Variants in VRK1 observed in about 807,000 individuals in gnomAD.
The protein encoded by VRK1 is VRK serine/threonine kinase 1, also known as serine/threonine-protein kinase VRK1.
In VRK1, 33 loss-of-function variants were observed where a neutral mutation model predicts 57.1. The observed-to-expected ratio is 0.58, with a 90% CI of 0.44 to 0.77. VRK1 has a LOEUF of 0.77. Among genes scored for constraint, VRK1 ranks in the 30% least tolerant of loss-of-function variants. The pLI is 0.00. For missense variants in VRK1, 413 were observed against 477.3 expected, an observed-to-expected ratio of 0.87 and a Z score of 1.25; for synonymous variants, 137 against 147.8, an observed-to-expected ratio of 0.93 and a Z score of 0.53.
chr14:96,810,128 A>G (rs1311474527), intron 1 of VRK1, among the ~76,000 whole-genome samples: 4 of 152,174 alleles, frequency 2.6e-5, no homozygotes, highest in Non-Finnish European at 4.4e-5. Flanking sequence ...ACCCTCTGTT[A>G]TAAAGTTCCT....
At chr14:96,802,482 T>C (rs1885702392) in intron 1 of VRK1, among the ~76,000 whole-genome samples, 1 of 152,206 alleles carries the variant, frequency 6.6e-6, no homozygotes, top group Admixed American at 6.5e-5. Flanking sequence ...GGCATTGTAT[T>C]GAGTGAAAAA....
At chr14:96,817,922 A>G (rs1179480905) in intron 1 of VRK1, among the ~76,000 whole-genome samples, 3 of 152,166 alleles carry the variant, frequency 2.0e-5, no homozygotes, top group African/African-American at 4.8e-5. Flanking sequence ...TGAAGTTGAC[A>G]TCTTTTGGCT....
chr14:96,876,734 A>G (rs1465262913), intron 12 of VRK1, among the ~76,000 whole-genome samples: 1 of 151,514 alleles, frequency 6.6e-6, no homozygotes, highest in Non-Finnish European at 1.5e-5. Flanking sequence ...AGAGGAAAGG[A>G]ATTAAAGCTT....
intron 3 of VRK1, among the ~76,000 whole-genome samples, chr14:96,842,345 C>T (rs1021804027): frequency 6.6e-6 from 1 of 152,160 alleles, no homozygotes; most frequent in African/African-American, 2.4e-5. Context: ...AAATGAGCAT[C>T]AGTTCTTTCT....
chr14:96,855,408 A>C, intron 8 of VRK1, 52 bp downstream of exon 8: 1 of 1,613,026 alleles, frequency 6.2e-7, no homozygotes. Context: ...TTTCACCCAG[A>C]TTCCTACATA....
chr14:96,810,809 AATATTC>A (rs1167624421), intron 1 of VRK1, among the ~76,000 whole-genome samples: 1 of 152,132 alleles, frequency 6.6e-6, no homozygotes, highest in Non-Finnish European at 1.5e-5. Context: ...TGTTATCTAA[AATATTC>A]ATAACATCTC....
At chr14:96,867,686 G>A (rs1422918469) in intron 11 of VRK1, among the ~76,000 whole-genome samples, 1 of 152,104 alleles carries the variant, frequency 6.6e-6, no homozygotes, top group Non-Finnish European at 1.5e-5. Flanking sequence ...CTGGAAGCTA[G>A]CTTCTTTTCT....
chr14:96,820,091 T>C (rs1886541149), intron 1 of VRK1, among the ~76,000 whole-genome samples: 1 of 152,162 alleles, frequency 6.6e-6, no homozygotes, highest in Non-Finnish European at 1.5e-5. Context: ...GGAAAGTGCT[T>C]TGGAGCTTCT....
chr14:96,838,877 T>C (rs538936309), intron 3 of VRK1, among the ~76,000 whole-genome samples: 1 of 151,920 alleles, frequency 6.6e-6, no homozygotes, highest in African/African-American at 2.4e-5. Flanking sequence ...TTTTTAAACT[T>C]TTTTAAAAAA....
intron 11 of VRK1, among the ~76,000 whole-genome samples, chr14:96,868,358 G>A (rs370191892): frequency 2.0e-5 from 3 of 152,280 alleles, no homozygotes; most frequent in African/African-American, 4.8e-5. Flanking sequence ...AAAGCTATAA[G>A]GGTGGGACCG....
chr14:96,814,690 A>G (rs1235705458), intron 1 of VRK1, among the ~76,000 whole-genome samples: 2 of 152,154 alleles, frequency 1.3e-5, no homozygotes, highest in Non-Finnish European at 2.9e-5. Flanking sequence ...GCAGTCATAC[A>G]TATTCAAGCA....
intron 11 of VRK1, among the ~76,000 whole-genome samples, chr14:96,872,627 A>G (rs1315185366): frequency 2.0e-5 from 3 of 152,184 alleles, no homozygotes; most frequent in Non-Finnish European, 4.4e-5. Context: ...AAGAATAAAG[A>G]GCTCTGAGTT....
At chr14:96,836,233 C>T (rs928948873) in intron 2 of VRK1, among the ~76,000 whole-genome samples, 1 of 152,080 alleles carries the variant, frequency 6.6e-6, no homozygotes, top group Non-Finnish European at 1.5e-5. Context: ...TTGGTATAGC[C>T]TCTTAACTGA....
At chr14:96,798,053 C>T (rs1000437883) in intron 1 of VRK1, among the ~76,000 whole-genome samples, 1 of 152,154 alleles carries the variant, frequency 6.6e-6, no homozygotes, top group Non-Finnish European at 1.5e-5. Context: ...GGATAGCAGC[C>T]AGGCCTGGGG....
At chr14:96,817,014 T>C (rs1886419992) in intron 1 of VRK1, among the ~76,000 whole-genome samples, 1 of 152,262 alleles carries the variant, frequency 6.6e-6, no homozygotes, top group South Asian at 2.1e-4. Context: ...AGTATTTACA[T>C]ATGAAATGAT....
At position 96,880,676 on chromosome 14, in the gene VRK1, G is replaced by T. The variant is rs1595694702; in HGVS notation, c.1160-501G>T. ...GACCTGTATAATTCCTAGCGGAAAA[G>T]ACTTTCCATTTCAGTATATCCCAGT... On this transcript the variant is annotated intron_variant, in intron 12 of 12. Transcript: ENST00000216639. Among the ~76,000 whole-genome samples the T allele has an allele frequency of 2.6e-5, 4 of 152,316 alleles. No individual in the cohort carries two copies. The East Asian group carries it at 7.7e-4, about 29-fold the overall frequency.
intron 2 of VRK1, among the ~76,000 whole-genome samples, chr14:96,834,153 G>A (rs1436735832): frequency 6.6e-6 from 1 of 152,134 alleles, no homozygotes; most frequent in East Asian, 1.9e-4. Flanking sequence ...GGGACCCGTT[G>A]TGGAATCCTG....
intron 3 of VRK1, among the ~76,000 whole-genome samples, chr14:96,838,089 T>C (rs1887293089): frequency 6.6e-6 from 1 of 152,110 alleles, no homozygotes; most frequent in Non-Finnish European, 1.5e-5. Flanking sequence ...AATATTCAGC[T>C]CATTTAAGAA....
At chr14:96,860,516 A>C (rs780491189) in intron 10 of VRK1, 41 bp from the exon 11 acceptor site, 26 of 1,569,724 alleles carry the variant, frequency 1.7e-5, no homozygotes, top group Non-Finnish European at 2.2e-5. Flanking sequence ...GTTAGAGAGA[A>C]ATATATTGAA....
Sources: allele counts gnomAD v4.1 joint callset (sites outside exome capture counted in the v4.1 genomes callset), GRCh38; gene constraint gnomAD v4.1.1; transcripts MANE v1.5; gene names NCBI Gene and HGNC (gene_info 2026-07-23, HGNC 2026-07-21).